Variants in RASAL2 observed in about 807,000 individuals in gnomAD.
RASAL2 encodes the protein RAS protein activator like 2.
In RASAL2, 58 loss-of-function variants were observed where a neutral mutation model predicts 128.9. The ratio of observed to expected loss-of-function variants is 0.45; its 90% CI spans 0.36 to 0.56. The LOEUF is 0.56. Among genes scored for constraint, RASAL2 ranks in the 20% least tolerant of loss-of-function variants. The probability of loss-of-function intolerance (pLI) is 0.00; values close to 1 mark genes in which losing one functional copy is unlikely to be tolerated. For synonymous variants in RASAL2, 561 were observed against 580.8 expected, an observed-to-expected ratio of 0.97 and a Z score of 0.49; for missense variants, 1,360 against 1,601.6, an observed-to-expected ratio of 0.85 and a Z score of 2.57.
chr1:178,300,317 A>G (rs537357707), intron 3 of RASAL2, among the ~76,000 whole-genome samples, 199 bp downstream of exon 3: 3 of 152,342 alleles, frequency 2.0e-5, no homozygotes, highest in East Asian at 3.9e-4. Context: ...TTAAAGAGAA[A>G]GACTTTATGT....
chr1:178,417,731 C>T (rs1206269265), intron 4 of RASAL2, among the ~76,000 whole-genome samples: 1 of 144,436 alleles, frequency 6.9e-6, no homozygotes, highest in African/African-American at 2.6e-5. Flanking sequence ...TGCACTCCAG[C>T]CTGGGCAACA....
rs115229113 is a variant in RASAL2 at position 178,437,037 on chromosome 1, C to T, written c.675-2385C>T. 2.4e-3 allele frequency among the ~76,000 whole-genome samples: 370 copies of T among 152,200 alleles called. 2 individuals are homozygous for T. The highest frequency in any genetic ancestry group is 8.5e-3 in the African/African-American group (355 of 41,530). On this transcript the variant is annotated intron_variant, in intron 5 of 17. Coordinates refer to ENST00000367649, the MANE Select transcript of RASAL2 (RefSeq NM_170692.4). ...CCATGTTTGCAGAGCATGCCCCTTGCGTTATTCAAGCCATAGCTTCTTGCT... is the reference window on the plus strand; with the variant it reads ...CCATGTTTGCAGAGCATGCCCCTTGTGTTATTCAAGCCATAGCTTCTTGCT...
chr1:178,384,717 AATT>A lies in RASAL2; in HGVS notation c.458-5380_458-5378del, dbSNP rs1672464453. Among the ~76,000 whole-genome samples, 2 of 151,844 alleles carry A rather than the reference AATT, an allele frequency of 1.3e-5. 1 individual carries two copies. Among genetic ancestry groups the A allele is most frequent in the Admixed American group, 1.3e-4 (2 of 15,256 alleles). ...AAAAAAAAAACTCAATATGAGCTAA[AATT>A]ATAATAAAACTATTTTCCCTAGACA... On this transcript the variant is annotated intron_variant, in intron 3 of 17. Transcript: ENST00000367649.
At chr1:178,458,943 T>G (rs1677981734) in intron 14 of RASAL2, among the ~76,000 whole-genome samples, 1 of 152,190 alleles carries the variant, frequency 6.6e-6, no homozygotes, top group African/African-American at 2.4e-5. Flanking sequence ...AGAATAAAGG[T>G]TTGCATTCCG....
chr1:178,410,022 T>C (rs1674260880), intron 4 of RASAL2, among the ~76,000 whole-genome samples: 1 of 152,020 alleles, frequency 6.6e-6, no homozygotes, highest in Non-Finnish European at 1.5e-5. Context: ...GGATAGCTAA[T>C]CATTAAGAAA....
rs1033756506 is a variant in RASAL2, at chr1:178,154,830, A to AATT, written c.202+60140_202+60142dup. 4.9e-4 allele frequency among the ~76,000 whole-genome samples: 74 copies of AATT among 151,880 alleles called. No homozygotes were observed. In the East Asian group the frequency reaches 0.011, roughly 23 times the overall value. On this transcript the variant is annotated intron_variant, in intron 1 of 17. Coordinates refer to ENST00000367649, the MANE Select transcript of RASAL2 (RefSeq NM_170692.4). ...ATAATAGATTCATAATAATAATAATAATTATTTTTTGAGACAGAGTTTCAC... is the reference window on the plus strand; with the variant it reads ...ATAATAGATTCATAATAATAATAATAATTATTATTTTTTGAGACAGAGTTTCAC...
intron 15 of RASAL2, among the ~76,000 whole-genome samples, chr1:178,465,683 A>G (rs936836519): frequency 5.9e-5 from 9 of 152,158 alleles, no homozygotes; most frequent in Admixed American, 1.3e-4. Context: ...TAATTTTAGT[A>G]AGGAAGGCAA....
chr1:178,457,111 A>G (rs934638649), intron 13 of RASAL2, among the ~76,000 whole-genome samples: 1 of 152,200 alleles, frequency 6.6e-6, no homozygotes, highest in African/African-American at 2.4e-5. Context: ...GAGTTACAAT[A>G]TATTCCACAA....
chr1:178,116,714 A>G (rs1052660767), intron 1 of RASAL2, among the ~76,000 whole-genome samples: 5 of 152,076 alleles, frequency 3.3e-5, no homozygotes, highest in Non-Finnish European at 7.4e-5. Flanking sequence ...CGTTCACGCC[A>G]TTCTCCTGCC....
chr1:178,408,621 T>G (rs1375298857), intron 4 of RASAL2, among the ~76,000 whole-genome samples: 1 of 151,820 alleles, frequency 6.6e-6, no homozygotes. Context: ...TGTTTTTTGT[T>G]TTTTGTTTTG....
At chr1:178,410,196 T>C (rs1674272003) in intron 4 of RASAL2, among the ~76,000 whole-genome samples, 1 of 151,890 alleles carries the variant, frequency 6.6e-6, no homozygotes, top group Non-Finnish European at 1.5e-5. Context: ...GAAAGAGATA[T>C]ATGAAAGACA....
At chr1:178,266,469 T>C (rs1465218960) in intron 1 of RASAL2, among the ~76,000 whole-genome samples, 1 of 152,252 alleles carries the variant, frequency 6.6e-6, no homozygotes, top group Non-Finnish European at 1.5e-5. Context: ...TTGGTTTTAC[T>C]GGACAGCCTT....
At position 178,094,134 on chromosome 1, in the gene RASAL2, C is replaced by A. The variant is rs1434503954; in HGVS notation, c.-359C>A. 1.4e-5 allele frequency: 4 copies of A among 276,640 alleles called. No homozygotes were observed. The highest frequency in any genetic ancestry group is 2.7e-5 in the Non-Finnish European group (4 of 148,546). The allele number at this position is 276,640 out of a possible 1,614,324, so 17.1% of individuals were successfully genotyped here. ...CTGGTCTGACCGCGAGAGACGCCGG[C>A]GGGGCTGAAGAAGGCGGCTCCGAGG... On this transcript the variant is annotated 5_prime_UTR_variant, in exon 1 of 18. Transcript: ENST00000367649.
intron 4 of RASAL2, 104 bp from the exon 5 acceptor site, chr1:178,420,407 C>G (rs2102747702): frequency 1.6e-6 from 1 of 631,604 alleles, no homozygotes; most frequent in East Asian, 3.0e-5. Flanking sequence ...GTTTCTATTT[C>G]TGGTCTTTAT....
intron 4 of RASAL2, among the ~76,000 whole-genome samples, chr1:178,408,251 C>T (rs1482391994): frequency 6.6e-6 from 1 of 152,108 alleles, no homozygotes; most frequent in Non-Finnish European, 1.5e-5. Context: ...AGGTTGGTGT[C>T]AGAAGGATGA....
chr1:178,438,102 T>TG (rs1676370641), intron 5 of RASAL2, among the ~76,000 whole-genome samples: 5 of 142,056 alleles, frequency 3.5e-5, no homozygotes, highest in African/African-American at 1.3e-4. Flanking sequence ...AAATGGTGGC[T>TG]TGTGTGTGTG....
At chr1:178,255,032 G>A (rs575457611) in intron 1 of RASAL2, among the ~76,000 whole-genome samples, 202 of 151,748 alleles carry the variant, frequency 1.3e-3, no homozygotes, top group Non-Finnish European at 1.8e-3. Context: ...AAAGTACTCC[G>A]GAAAAAATCC....
intron 3 of RASAL2, among the ~76,000 whole-genome samples, chr1:178,320,717 G>A (rs1161861120): frequency 3.3e-5 from 5 of 152,124 alleles, no homozygotes; most frequent in African/African-American, 7.2e-5. Flanking sequence ...AGATGAACCC[G>A]GTACCTCAGA....
At chr1:178,308,092 A>G (rs1668077960) in intron 3 of RASAL2, among the ~76,000 whole-genome samples, 1 of 152,198 alleles carries the variant, frequency 6.6e-6, no homozygotes, top group East Asian at 1.9e-4. Flanking sequence ...TCTTACTTAC[A>G]GAATGTCTGG....
Sources: gnomAD v4.1 joint callset for allele counts (sites outside exome capture counted in the v4.1 genomes callset) on GRCh38, gnomAD v4.1.1 for gene constraint, MANE v1.5 for transcripts, NCBI Gene and HGNC (gene_info 2026-07-23, HGNC 2026-07-21) for gene names.